The following CAPZA1 variants were observed in gnomAD, a reference collection of about 807,000 sequenced individuals.
The protein encoded by CAPZA1 is F-actin-capping protein subunit alpha-1.
In CAPZA1, 10 loss-of-function variants were observed where a neutral mutation model predicts 40.8. The observed-to-expected ratio is 0.25, with a 90% confidence interval of 0.15 to 0.42. The LOEUF is 0.42. Ranked by LOEUF, CAPZA1 falls within the 10% of genes least tolerant of loss-of-function variation. The pLI, the probability that CAPZA1 is intolerant of heterozygous loss-of-function variation, is 1.00. For synonymous variants in CAPZA1, 98 were observed against 115.0 expected (o/e 0.85, Z 0.95); for missense variants, 277 against 353.8 (o/e 0.78, Z 1.74).
intron 1 of CAPZA1, among the ~76,000 whole-genome samples, chr1:112,621,688 T>C (rs1243295676): frequency 2.0e-5 from 3 of 152,158 alleles, no homozygotes; most frequent in Non-Finnish European, 2.9e-5. Flanking sequence ...AAATATATAT[T>C]TTAAAATGCC....
intron 7 of CAPZA1, among the ~76,000 whole-genome samples, chr1:112,666,336 C>G (rs1671724402): frequency 1.3e-5 from 2 of 152,118 alleles, no homozygotes; most frequent in African/African-American, 4.8e-5. Flanking sequence ...TTTTCAAGAT[C>G]CTATTCAAAT....
At chr1:112,662,904 CTGT>C (rs67902829) in intron 7 of CAPZA1, among the ~76,000 whole-genome samples, 95,044 of 151,602 alleles carry the variant, frequency 0.63, 30,744 homozygotes, top group Middle Eastern at 0.81. Flanking sequence ...ATGGCCAGAT[CTGT>C]TGTTGTTTTT....
intron 1 of CAPZA1, among the ~76,000 whole-genome samples, chr1:112,643,848 T>C (rs1671228755): frequency 6.6e-6 from 1 of 152,158 alleles, no homozygotes. Context: ...ATTTCTGTTT[T>C]GTTTATTTTC....
At chr1:112,623,804 C>T (rs1670735590) in intron 1 of CAPZA1, among the ~76,000 whole-genome samples, 1 of 151,032 alleles carries the variant, frequency 6.6e-6, no homozygotes, top group African/African-American at 2.4e-5. Context: ...CTCAGGAGAT[C>T]GAGATCCTGG....
rs1480367997 is a variant in CAPZA1 at position 112,670,829 on chromosome 1, TTAG to T, written c.*700_*702del. On this transcript the variant is annotated 3_prime_UTR_variant, in exon 10 of 10. Transcript: ENST00000263168. ...CTTCTCTCATTGTCTCCTTCCCATC[TTAG>T]TACCATTGTAGTTATAAACATCTGC... 6.5e-6 allele frequency: 1 copy of T among 152,714 alleles called. No homozygotes were observed. Among genetic ancestry groups the T allele is most frequent in the African/African-American group, 2.4e-5 (1 of 41,478 alleles). The allele number at this position is 152,714 out of a possible 1,614,324, so 9.5% of individuals were successfully genotyped here. A position where few individuals can be genotyped will look rare whatever the true frequency, so the allele number is the denominator to read the frequency against.
rs567975652 is a variant in CAPZA1 at position 112,640,501 on chromosome 1, C to T, written c.40-6709C>T. Among the ~76,000 whole-genome samples the T allele has an allele frequency of 4.7e-4, 62 of 130,584 alleles. 2 individuals carry two copies. Among genetic ancestry groups the T allele is most frequent in the Non-Finnish European group, 8.0e-4 (49 of 61,592 alleles). 85.7% of individuals were successfully genotyped at this position (130,584 alleles called of 152,430 possible). On this transcript the variant is annotated intron_variant, in intron 1 of 9. Coordinates refer to ENST00000263168, the MANE Select transcript of CAPZA1 (RefSeq NM_006135.3). ...CCGGGAGGGAGGTGGGGGGGTCAGC[C>T]CCCCGTCCGGGAGGTGAGGGGCGCC...
rs541420667 is a variant in CAPZA1, at chr1:112,630,313, ATTTTATT to A, written c.39+10443_39+10449del. Among the ~76,000 whole-genome samples the A allele has an allele frequency of 9.2e-4, 139 of 151,518 alleles. 1 individual carries two copies. The highest frequency in any genetic ancestry group is 3.2e-3 in the African/African-American group (134 of 41,338). On this transcript the variant is annotated intron_variant, in intron 1 of 9. Transcript: ENST00000263168. Reference sequence around the variant, plus strand: ...CACTTGGCACTCGGCCCTGGCAATTATTTTATTTTTTATTTTTTAATTTTTTATTTGT... The same window carrying A: ...CACTTGGCACTCGGCCCTGGCAATTATTTTATTTTTTAATTTTTTATTTGT...
chr1:112,650,728 G>A (rs1340814798), intron 3 of CAPZA1, among the ~76,000 whole-genome samples: 1 of 152,248 alleles, frequency 6.6e-6, no homozygotes, highest in Non-Finnish European at 1.5e-5. Flanking sequence ...TAAGCTGAAA[G>A]GGGTGGATGT....
chr1:112,642,673 C>G (rs945926250), intron 1 of CAPZA1, among the ~76,000 whole-genome samples: 1 of 152,142 alleles, frequency 6.6e-6, no homozygotes, highest in Non-Finnish European at 1.5e-5. Context: ...TTTATTGATA[C>G]TTCTCTTCCT....
intron 1 of CAPZA1, among the ~76,000 whole-genome samples, chr1:112,644,495 A>C (rs1334328716): frequency 2.0e-5 from 3 of 152,084 alleles, no homozygotes; most frequent in Non-Finnish European, 2.9e-5. Flanking sequence ...ACCTGGCCCC[A>C]GCTTTGTATT....
intron 1 of CAPZA1, among the ~76,000 whole-genome samples, chr1:112,640,912 G>A (rs1242652646): frequency 1.3e-5 from 2 of 152,332 alleles, no homozygotes; most frequent in East Asian, 3.9e-4. Flanking sequence ...CTGTTGATCT[G>A]TGACCTTACC....
At position 112,670,043 on chromosome 1, in the gene CAPZA1, T is replaced by C. The variant is rs745806008; in HGVS notation, c.772T>C (p.Leu258=). ...QTMSDTTFKA[L]RRQLPVTRTK... is the part of the protein sequence containing the mutation. ...AATGTCAGATACCACATTCAAGGCC[T>C]TGCGCCGGCAGCTTCCAGTTACCCG... The change falls in exon 10 of 10, where the codon TTG becomes CTG. Residue 258 remains leucine (L), a synonymous_variant. Transcript: ENST00000263168. 6.2e-7 allele frequency: 1 copy of C among 1,613,880 alleles called. No homozygotes were observed. Among genetic ancestry groups the C allele is most frequent in the Non-Finnish European group, 8.5e-7 (1 of 1,179,806 alleles).
chr1:112,658,053 T>C (rs1671533227), intron 5 of CAPZA1, among the ~76,000 whole-genome samples: 1 of 152,190 alleles, frequency 6.6e-6, no homozygotes, highest in Non-Finnish European at 1.5e-5. Flanking sequence ...ACTTCCTGAG[T>C]GACCTTAGGC....
Position 112,659,799 on chromosome 1 carries a change from A to G in CAPZA1, c.585+20A>G, listed in dbSNP as rs898514085. The stretch of plus-strand genomic sequence containing the variant: ...ATTCAGGTGAGATTCCAACATGTTT[A>G]TAGACTTAAAACTTCACATCTTTAA... On this transcript the variant is annotated intron_variant, in intron 7 of 9. Coordinates refer to ENST00000263168, the MANE Select transcript of CAPZA1 (RefSeq NM_006135.3). The G allele has an allele frequency of 1.9e-6, 3 of 1,581,572 alleles. No homozygotes were observed. The highest frequency in any genetic ancestry group is 2.7e-5 in the African/African-American group (2 of 74,064).
rs1472785702 is a variant in CAPZA1 at position 112,665,372 on chromosome 1, GT to G, written c.586-1699del. On this transcript the variant is annotated intron_variant, in intron 7 of 9. Transcript: ENST00000263168. ...TTTTTGTATTTTTAGTAGAGATGGG[GT>G]TTCGCCGTGTTGGCCAGGCTGGTTT... 3.3e-5 allele frequency among the ~76,000 whole-genome samples: 5 copies of G among 151,798 alleles called. No homozygotes were observed. The East Asian group carries it at 9.7e-4, about 29-fold the overall frequency.
In CAPZA1 at chr1:112,654,568, C is replaced by T; in HGVS notation, c.323C>T (p.Pro108Leu). 6.2e-7 allele frequency: 1 copy of T among 1,613,782 alleles called. No individual in the cohort carries two copies. Among genetic ancestry groups the T allele is most frequent in the African/African-American group, 1.3e-5 (1 of 75,004 alleles). ...CACTTACGGAAAGAAGCAAGTGACCCCCAGCCAGAAGAAGCAGATGGAGGT... is the reference window on the plus strand; with the variant it reads ...CACTTACGGAAAGAAGCAAGTGACCTCCAGCCAGAAGAAGCAGATGGAGGT... ...FDHLRKEASDPQPEEADGGLK... is the reference protein window; with the variant it reads ...FDHLRKEASDLQPEEADGGLK... The change falls in exon 5 of 10, where the codon CCC (proline) becomes CTC (leucine). Residue 108 changes from proline (P) to leucine (L), a missense_variant. Transcript: ENST00000263168.
chr1:112,651,572 T>C (rs1477702615), intron 3 of CAPZA1, among the ~76,000 whole-genome samples: 1 of 152,164 alleles, frequency 6.6e-6, no homozygotes, highest in African/African-American at 2.4e-5. Flanking sequence ...GTTTTTGGCT[T>C]AGGCAGCTGG....
chr1:112,658,599 A>G (rs1671541757), intron 5 of CAPZA1, among the ~76,000 whole-genome samples: 1 of 152,194 alleles, frequency 6.6e-6, no homozygotes, highest in Non-Finnish European at 1.5e-5. Context: ...CTTACTTTAC[A>G]TCTACTATTA....
chr1:112,667,545 T>A (rs527634470), intron 8 of CAPZA1, among the ~76,000 whole-genome samples: 1 of 152,288 alleles, frequency 6.6e-6, no homozygotes, highest in African/African-American at 2.4e-5. Context: ...TGGTGGTCTA[T>A]TTGAGACAGG....
Sources: gnomAD v4.1 joint callset for allele counts (sites outside exome capture counted in the v4.1 genomes callset) on GRCh38, gnomAD v4.1.1 for gene constraint, MANE v1.5 for transcripts, NCBI Gene and HGNC (gene_info 2026-07-23, HGNC 2026-07-21) for gene names.